MACROD2: variants seen among roughly 807,000 people sequenced by gnomAD.
MACROD2 encodes mono-ADP ribosylhydrolase 2, also known as ADP-ribose glycohydrolase MACROD2.
In MACROD2, 36 loss-of-function variants were observed where a neutral mutation model predicts 70.4. That is an observed-to-expected ratio of 0.51 (90% CI 0.39 to 0.68). The LOEUF is 0.68. Among genes scored for constraint, MACROD2 ranks in the 30% least tolerant of loss-of-function variants. The probability of loss-of-function intolerance (pLI) is 0.00; values close to 1 mark genes in which losing one functional copy is unlikely to be tolerated. For synonymous variants in MACROD2, 172 were observed against 178.8 expected, an observed-to-expected ratio of 0.96 and a Z score of 0.30; for missense variants, 496 against 538.4, an observed-to-expected ratio of 0.92 and a Z score of 0.78.
intron 8 of MACROD2, among the ~76,000 whole-genome samples, chr20:15,856,362 T>C (rs1479953259): frequency 1.3e-5 from 2 of 152,196 alleles, no homozygotes; most frequent in East Asian, 1.9e-4. Flanking sequence ...AAGATGTCAG[T>C]TGGTGACAAT....
At chr20:14,162,890 A>G (rs1034066465) in intron 3 of MACROD2, among the ~76,000 whole-genome samples, 2 of 152,038 alleles carry the variant, frequency 1.3e-5, no homozygotes, top group African/African-American at 4.8e-5. Context: ...CTATTGATAT[A>G]TGAGGCCTTA....
In MACROD2 at chr20:14,012,805, C is replaced by T. The variant is rs192263809; in HGVS notation, c.163+10401C>T. Among the ~76,000 whole-genome samples, 13 of 152,304 alleles carry T rather than the reference C, an allele frequency of 8.5e-5. No individual in the cohort carries two copies. In the East Asian group the frequency reaches 2.5e-3, roughly 29 times the overall value. On this transcript the variant is annotated intron_variant, in intron 2 of 17. Transcript: ENST00000684519. ...CTGTTTACGCAGAGGTGTTCAGCCT[C>T]ACACAGCATTTTAAGTGGATACTTG...
chr20:15,885,695 C>T (rs910489171), intron 9 of MACROD2, 69 bp from the exon 10 acceptor site: 11 of 1,316,892 alleles, frequency 8.4e-6, no homozygotes, highest in South Asian at 1.8e-5. Context: ...TTTAATAATC[C>T]ATCTGGAACA....
chr20:14,803,455 A>G (rs949246092), intron 5 of MACROD2, among the ~76,000 whole-genome samples: 1 of 152,042 alleles, frequency 6.6e-6, no homozygotes, highest in Non-Finnish European at 1.5e-5. Flanking sequence ...CTCAGAATGC[A>G]TAGAAATATT....
Position 16,014,354 on chromosome 20 carries a change from A to G in MACROD2, c.1154-26847A>G, listed in dbSNP as rs150271018. On this transcript the variant is annotated intron_variant, in intron 15 of 17. Coordinates refer to ENST00000684519, the MANE Select transcript of MACROD2 (RefSeq NM_001351661.2). ...TTATGAGGATTTGAAGCTGCAGTGT[A>G]TATTCTCCGGTTCTAAAAGATTCTC... Among the ~76,000 whole-genome samples the G allele has an allele frequency of 3.7e-3, 565 of 152,352 alleles. 4 individuals are homozygous for G. Among genetic ancestry groups the G allele is most frequent in the African/African-American group, 0.013 (536 of 41,566 alleles).
intron 5 of MACROD2, among the ~76,000 whole-genome samples, chr20:14,841,940 ATAAG>A (rs890849968): frequency 6.6e-6 from 1 of 152,042 alleles, no homozygotes; most frequent in Non-Finnish European, 1.5e-5. Flanking sequence ...TGATTTTTTT[ATAAG>A]TACCTGTCTT....
At chr20:14,143,650 A>T (rs112199901) in intron 3 of MACROD2, among the ~76,000 whole-genome samples, 1 of 152,128 alleles carries the variant, frequency 6.6e-6, no homozygotes, top group African/African-American at 2.4e-5. Flanking sequence ...GCAGAAGTGT[A>T]TGTTGGTTCA....
intron 3 of MACROD2, among the ~76,000 whole-genome samples, chr20:14,220,237 A>G (rs1196851196): frequency 2.6e-5 from 4 of 152,008 alleles, no homozygotes; most frequent in African/African-American, 9.7e-5. Flanking sequence ...TGAGATTCCC[A>G]GGTCAGGGGA....
intron 5 of MACROD2, among the ~76,000 whole-genome samples, chr20:14,961,601 C>T (rs2074583901): frequency 6.6e-6 from 1 of 152,016 alleles, no homozygotes; most frequent in Non-Finnish European, 1.5e-5. Context: ...AATCACAGCT[C>T]ACTGCAGCCT....
intron 15 of MACROD2, among the ~76,000 whole-genome samples, chr20:15,989,549 A>T (rs2066530072): frequency 6.6e-6 from 1 of 152,144 alleles, no homozygotes; most frequent in South Asian, 2.1e-4. Flanking sequence ...TAGATCCACA[A>T]AAGAAAACTA....
At chr20:15,816,782 C>A (rs545831136) in intron 8 of MACROD2, among the ~76,000 whole-genome samples, 1 of 152,270 alleles carries the variant, frequency 6.6e-6, no homozygotes, top group South Asian at 2.1e-4. Context: ...ATAGCAGGAT[C>A]CCTGTCTCCC....
intron 17 of MACROD2, among the ~76,000 whole-genome samples, chr20:16,048,700 T>C (rs1256713636): frequency 6.6e-6 from 1 of 152,172 alleles, no homozygotes; most frequent in East Asian, 1.9e-4. Flanking sequence ...GAGCTAGAAC[T>C]CTTATACATG....
intron 3 of MACROD2, among the ~76,000 whole-genome samples, chr20:14,166,701 A>G (rs1215754023): frequency 6.6e-6 from 1 of 151,994 alleles, no homozygotes; most frequent in Non-Finnish European, 1.5e-5. Context: ...CACTCTCTGT[A>G]TCTCCCTCCC....
chr20:15,016,351 C>G (rs1412706459), intron 5 of MACROD2, among the ~76,000 whole-genome samples: 2 of 152,278 alleles, frequency 1.3e-5, no homozygotes, highest in East Asian at 3.9e-4. Context: ...TCCCAGGCTT[C>G]AGACTGCTGA....
intron 7 of MACROD2, among the ~76,000 whole-genome samples, chr20:15,439,248 T>C (rs2046465200): frequency 6.6e-6 from 1 of 152,170 alleles, no homozygotes; most frequent in South Asian, 2.1e-4. Context: ...AGCTGCCATT[T>C]CTCACACACC....
intron 5 of MACROD2, among the ~76,000 whole-genome samples, chr20:14,874,591 G>A (rs2073527827): frequency 6.6e-6 from 1 of 151,746 alleles, no homozygotes; most frequent in African/African-American, 2.4e-5. Context: ...CTATCACAAG[G>A]TATAAGCACA....
chr20:15,522,913 TCA>T (rs1370247489), intron 8 of MACROD2, among the ~76,000 whole-genome samples: 4 of 152,144 alleles, frequency 2.6e-5, no homozygotes, highest in Admixed American at 6.6e-5. Context: ...TGACACAAAT[TCA>T]CTTTCTGCCA....
chr20:14,347,540 G>A (rs966580151), intron 3 of MACROD2, among the ~76,000 whole-genome samples: 9 of 152,078 alleles, frequency 5.9e-5, no homozygotes, highest in African/African-American at 2.2e-4. Flanking sequence ...CAAATATGGA[G>A]ATGTGTTACT....
At chr20:15,500,171 T>C (rs1568851393) in intron 8 of MACROD2, among the ~76,000 whole-genome samples, 1 of 152,224 alleles carries the variant, frequency 6.6e-6, no homozygotes, top group Non-Finnish European at 1.5e-5. Flanking sequence ...AGTTTTCCTA[T>C]GCTATTTTCC....
Sources: gnomAD v4.1 joint callset for allele counts (sites outside exome capture counted in the v4.1 genomes callset) on GRCh38, gnomAD v4.1.1 for gene constraint, MANE v1.5 for transcripts, NCBI Gene and HGNC (gene_info 2026-07-23, HGNC 2026-07-21) for gene names.